Variants in MAP4K4 observed in about 807,000 individuals in gnomAD.
MAP4K4 encodes the protein HPK/GCK-like kinase HGK.
Under a neutral mutation model 189.6 loss-of-function variants are expected in MAP4K4, and 38 were observed. That is an observed-to-expected ratio of 0.20 (90% CI 0.15 to 0.26). The LOEUF is 0.26. Among genes scored for constraint, MAP4K4 ranks in the 10% least tolerant of loss-of-function variants. The pLI is 1.00. For synonymous variants in MAP4K4, 610 were observed against 624.3 expected (o/e 0.98, Z 0.34); for missense variants, 1,054 against 1,726.9 (o/e 0.61, Z 6.91).
At chr2:101,781,947 C>G (rs930983701) in intron 2 of MAP4K4, among the ~76,000 whole-genome samples, 3 of 152,168 alleles carry the variant, frequency 2.0e-5, no homozygotes, top group Non-Finnish European at 2.9e-5. Flanking sequence ...AATGACTGAA[C>G]AAGCATGCAG....
At chr2:101,771,803 C>G (rs1404560680) in intron 2 of MAP4K4, among the ~76,000 whole-genome samples, 2 of 152,216 alleles carry the variant, frequency 1.3e-5, no homozygotes, top group African/African-American at 4.8e-5. Context: ...GAATTGAAAA[C>G]TATAATGAGA....
chr2:101,746,364 T>C (rs1319974879), intron 2 of MAP4K4, among the ~76,000 whole-genome samples: 1 of 151,986 alleles, frequency 6.6e-6, no homozygotes, highest in Non-Finnish European at 1.5e-5. Flanking sequence ...ATGGTTTTTA[T>C]TGGCTTAGGG....
chr2:101,763,159 A>G (rs2077195801), intron 2 of MAP4K4, among the ~76,000 whole-genome samples: 1 of 152,342 alleles, frequency 6.6e-6, no homozygotes, highest in African/African-American at 2.4e-5. Flanking sequence ...TCATTAGCAC[A>G]GTCTTCCAGG....
intron 2 of MAP4K4, among the ~76,000 whole-genome samples, chr2:101,742,476 C>A (rs951335241): frequency 2.0e-5 from 3 of 152,144 alleles, no homozygotes; most frequent in African/African-American, 7.2e-5. Flanking sequence ...TCTCTCTCAG[C>A]CTCTTTTTGC....
rs369113454 is a variant in MAP4K4, at chr2:101,879,744, G to T, written c.3385+2598G>T. Among the ~76,000 whole-genome samples, 91 of 151,656 alleles carry T rather than the reference G, an allele frequency of 6.0e-4. 1 individual carries two copies. The South Asian group carries it at 0.014, about 24-fold the overall frequency. ...TGCCCCCAGAGGCAAGCACTGTCCAGACTTTGAACATGTTAGGTTGATTTT... is the reference window on the plus strand; with the variant it reads ...TGCCCCCAGAGGCAAGCACTGTCCATACTTTGAACATGTTAGGTTGATTTT... On this transcript the variant is annotated intron_variant, in intron 27 of 32. Transcript: ENST00000324219.
chr2:101,870,693 G>A (rs1577126850), intron 23 of MAP4K4: 4 of 327,298 alleles, frequency 1.2e-5, no homozygotes, highest in South Asian at 1.0e-4. Context: ...ATGTCTGAGC[G>A]GGAGAGAAGC....
chr2:101,712,063 GT>G (rs2045906481), intron 2 of MAP4K4, among the ~76,000 whole-genome samples: 2 of 149,432 alleles, frequency 1.3e-5, no homozygotes, highest in Non-Finnish European at 3.0e-5. Context: ...GTTGCTTTAG[GT>G]TTGTAGCACA....
chr2:101,854,553 T>C (rs1576818860), intron 12 of MAP4K4, among the ~76,000 whole-genome samples: 2 of 152,198 alleles, frequency 1.3e-5, no homozygotes, highest in East Asian at 3.9e-4. Context: ...GACTACCAAA[T>C]CATCGTTGCT....
At chr2:101,836,377 G>T (rs1258444698) in intron 9 of MAP4K4, among the ~76,000 whole-genome samples, 2 of 152,092 alleles carry the variant, frequency 1.3e-5, no homozygotes, top group Non-Finnish European at 2.9e-5. Flanking sequence ...CTGAGGTCAG[G>T]AGTTCAAGAC....
At position 101,805,923 on chromosome 2, in the gene MAP4K4, C is replaced by T. The variant is rs116581286; in HGVS notation, c.180+15147C>T. ...GTTTCCAAGGTTGTCTACTTTCCTA[C>T]CGACTTTGCTACACTTGCAGCATGT... On this transcript the variant is annotated intron_variant, in intron 3 of 32. Coordinates refer to ENST00000324219, the Ensembl canonical transcript of MAP4K4. Among the ~76,000 whole-genome samples the T allele has an allele frequency of 2.6e-3, 390 of 152,300 alleles. 2 individuals are homozygous for T. Among genetic ancestry groups the T allele is most frequent in the African/African-American group, 9.2e-3 (383 of 41,550 alleles).
intron 18 of MAP4K4, among the ~76,000 whole-genome samples, chr2:101,865,776 G>A (rs1180776929): frequency 3.3e-5 from 5 of 152,160 alleles, no homozygotes; most frequent in African/African-American, 7.2e-5. Context: ...AGCCTTCTGC[G>A]CATGGAACCT....
At chr2:101,796,467 G>C (rs1374444539) in intron 3 of MAP4K4, among the ~76,000 whole-genome samples, 1 of 152,134 alleles carries the variant, frequency 6.6e-6, no homozygotes, top group Non-Finnish European at 1.5e-5. Context: ...TCTTGCTCAG[G>C]AGTACATTGC....
chr2:101,761,781 T>A (rs2076560202), intron 2 of MAP4K4, among the ~76,000 whole-genome samples: 1 of 152,246 alleles, frequency 6.6e-6, no homozygotes, highest in East Asian at 1.9e-4. Context: ...GGTCTCGAAC[T>A]CCTGACTGCA....
intron 30 of MAP4K4, 71 bp downstream of exon 30, chr2:101,887,308 C>G: frequency 2.0e-6 from 3 of 1,463,726 alleles, no homozygotes; most frequent in Non-Finnish European, 2.8e-6. Flanking sequence ...CTTTACTCTG[C>G]TTAGTGAACT....
At chr2:101,877,182 C>A in intron 27 of MAP4K4, 36 bp downstream of exon 27, 2 of 1,607,830 alleles carry the variant, frequency 1.2e-6, no homozygotes, top group Non-Finnish European at 1.7e-6. Flanking sequence ...ATATGTGACA[C>A]CATCTTAACA....
rs2286240 is a variant in MAP4K4 at position 101,823,704 on chromosome 2, G to A, written c.181-224G>A. 0.27 allele frequency among the ~76,000 whole-genome samples: 41,654 copies of A among 151,954 alleles called. 6,552 individuals are homozygous for A. The highest frequency in any genetic ancestry group is 0.48 in the South Asian group (2,328 of 4,814). On this transcript the variant is annotated intron_variant, in intron 3 of 32. Coordinates refer to ENST00000324219, the Ensembl canonical transcript of MAP4K4. ...CCTCGCACTATCCCTGCGGCTCTCCGTGTCTGCCTTTACCTCCTATGCATC... is the reference window on the plus strand; with the variant it reads ...CCTCGCACTATCCCTGCGGCTCTCCATGTCTGCCTTTACCTCCTATGCATC...
At chr2:101,780,830 C>T (rs374932380) in intron 2 of MAP4K4, among the ~76,000 whole-genome samples, 1 of 152,188 alleles carries the variant, frequency 6.6e-6, no homozygotes, top group African/African-American at 2.4e-5. Context: ...GATTGAATTT[C>T]GTGGTTTGTA....
chr2:101,747,995 T>G (rs1427724161), intron 2 of MAP4K4, among the ~76,000 whole-genome samples: 1 of 152,246 alleles, frequency 6.6e-6, no homozygotes, highest in Non-Finnish European at 1.5e-5. Flanking sequence ...TTTTTTCTGA[T>G]AAGCAAAATG....
chr2:101,753,314 C>T lies in MAP4K4; in HGVS notation c.124-37406C>T, dbSNP rs531697389. Among the ~76,000 whole-genome samples, 39 of 152,322 alleles carry T rather than the reference C, an allele frequency of 2.6e-4. No homozygotes were observed. The Middle Eastern group carries it at 0.01, about 40-fold the overall frequency. On this transcript the variant is annotated intron_variant, in intron 2 of 32. Coordinates refer to ENST00000324219, the Ensembl canonical transcript of MAP4K4. ...CAGTTTCTACAGCTCACCCTCCCCACCTGCCCTTTTCCCTTGCCTACCCCA... is the reference window on the plus strand; with the variant it reads ...CAGTTTCTACAGCTCACCCTCCCCATCTGCCCTTTTCCCTTGCCTACCCCA...
Sources: gnomAD v4.1 joint callset for allele counts (sites outside exome capture counted in the v4.1 genomes callset) on GRCh38, gnomAD v4.1.1 for gene constraint, MANE v1.5 for transcripts, NCBI Gene and HGNC (gene_info 2026-07-23, HGNC 2026-07-21) for gene names.